TMCO4: variants seen among roughly 807,000 people sequenced by gnomAD.
TMCO4 encodes transmembrane and coiled-coil domain-containing protein 4.
TMCO4 carries 58 observed loss-of-function variants against 64.7 expected under a neutral mutation model. That is an observed-to-expected ratio of 0.90 (90% CI 0.73 to 1.12). The LOEUF is 1.12. TMCO4 is among the 50% of genes most tolerant of loss of function. TMCO4 has a pLI of 0.00. For synonymous variants in TMCO4, 325 were observed against 346.1 expected (o/e 0.94, Z 0.68); for missense variants, 780 against 825.9 (o/e 0.94, Z 0.68).
At chr1:19,748,912 C>T (rs2041911570) in intron 7 of TMCO4, among the ~76,000 whole-genome samples, 2 of 152,330 alleles carry the variant, frequency 1.3e-5, no homozygotes, top group Admixed American at 1.3e-4. Flanking sequence ...TGGGGACCTG[C>T]TGTGCTTTTT....
intron 13 of TMCO4, among the ~76,000 whole-genome samples, chr1:19,720,468 A>C (rs935118974): frequency 1.3e-5 from 2 of 152,110 alleles, no homozygotes; most frequent in Non-Finnish European, 2.9e-5. Flanking sequence ...CTTCTGCTCC[A>C]GGCCTGCCTC....
intron 13 of TMCO4, among the ~76,000 whole-genome samples, chr1:19,703,182 T>C (rs969978616): frequency 1.3e-5 from 2 of 152,214 alleles, no homozygotes; most frequent in African/African-American, 2.4e-5. Context: ...AAAACCAGTT[T>C]ACAGGCTTTG....
Position 19,694,466 on chromosome 1 carries a change from T to C in TMCO4, c.1468A>G (p.Arg490Gly). 1 of 1,614,118 alleles carries C rather than the reference T, an allele frequency of 6.2e-7. No homozygotes were observed. Among genetic ancestry groups the C allele is most frequent in the Non-Finnish European group, 8.5e-7 (1 of 1,179,960 alleles). The part of the protein sequence containing the change: ...AGLQPVLLQD[R>G]RVENVDLTSV... The stretch of plus-strand genomic sequence containing the variant: ...GTCAGGTCCACGTTCTCCACCCTCC[T>C]GTCCTGCAGCAGCACGGGCTGTAGG... The change falls in exon 15 of 16, where the codon AGG becomes GGG. Residue 490 changes from arginine to glycine, a missense_variant. By Grantham distance (125) the Arg-to-Gly change is moderately radical. Transcript: ENST00000294543.
intron 3 of TMCO4, among the ~76,000 whole-genome samples, chr1:19,785,130 C>T (rs1222603297): frequency 1.3e-5 from 2 of 151,860 alleles, no homozygotes; most frequent in Admixed American, 1.3e-4. Context: ...CTGCTGGGAC[C>T]ACCCTTCCCT....
chr1:19,771,716 G>T (rs113624246), intron 4 of TMCO4, among the ~76,000 whole-genome samples: 1 of 152,126 alleles, frequency 6.6e-6, no homozygotes, highest in East Asian at 1.9e-4. Flanking sequence ...GAGTTCAGTC[G>T]TGCAATCTTG....
intron 2 of TMCO4, among the ~76,000 whole-genome samples, chr1:19,789,431 C>T (rs6684957): frequency 0.9 from 136,694 of 152,082 alleles, 61,526 homozygotes; most frequent in African/African-American, 0.93. Context: ...AAATAAATAA[C>T]AAAACATCTT....
chr1:19,783,654 C>A (rs1485138439), intron 3 of TMCO4, among the ~76,000 whole-genome samples: 1 of 152,166 alleles, frequency 6.6e-6, no homozygotes, highest in African/African-American at 2.4e-5. Flanking sequence ...CATTACGATT[C>A]CCTCTTACAA....
chr1:19,689,463 C>T (rs1330120605), intron 15 of TMCO4, among the ~76,000 whole-genome samples: 1 of 152,148 alleles, frequency 6.6e-6, no homozygotes, highest in Non-Finnish European at 1.5e-5. Flanking sequence ...CTACTATGCA[C>T]CAAGCATCTT....
chr1:19,753,025 T>G (rs951958474), intron 7 of TMCO4, among the ~76,000 whole-genome samples: 1 of 151,986 alleles, frequency 6.6e-6, no homozygotes, highest in Non-Finnish European at 1.5e-5. Context: ...AATGGCATGA[T>G]CTCGGCTCAC....
intron 6 of TMCO4, among the ~76,000 whole-genome samples, chr1:19,758,510 G>A (rs1254347344): frequency 1.3e-5 from 2 of 152,204 alleles, no homozygotes; most frequent in Non-Finnish European, 2.9e-5. Flanking sequence ...AGGCTGCTGG[G>A]TGCATGTGTG....
chr1:19,778,690 G>A (rs2043322043), intron 4 of TMCO4, among the ~76,000 whole-genome samples: 1 of 152,248 alleles, frequency 6.6e-6, no homozygotes, highest in African/African-American at 2.4e-5. Flanking sequence ...AGACTGGAAA[G>A]TGGCAGAGTT....
chr1:19,684,939 G>A (rs2095134558), intron 15 of TMCO4, among the ~76,000 whole-genome samples: 1 of 152,218 alleles, frequency 6.6e-6, no homozygotes, highest in Non-Finnish European at 1.5e-5. Context: ...CAGCAAGAGG[G>A]AAATTTGGTC....
At chr1:19,796,204 A>G (rs899368112) in intron 2 of TMCO4, among the ~76,000 whole-genome samples, 1 of 152,236 alleles carries the variant, frequency 6.6e-6, no homozygotes, top group Non-Finnish European at 1.5e-5. Flanking sequence ...GACTCACAGA[A>G]GCGGAGGTCA....
intron 15 of TMCO4, among the ~76,000 whole-genome samples, chr1:19,693,765 A>G (rs1369947265): frequency 6.6e-6 from 1 of 152,202 alleles, no homozygotes; most frequent in Non-Finnish European, 1.5e-5. Flanking sequence ...ACAGCCTAGC[A>G]GGCAGGTGCT....
Position 19,764,842 on chromosome 1 carries a change from C to CAA in TMCO4, c.382+5698_382+5699dup, listed in dbSNP as rs33963523. Reference sequence around the variant, plus strand: ...TGCACTCAAGAGTGAAACTCTGTCTCAAAAAAAAAAAAAAAAAAAAAAAAA... The same window carrying CAA: ...TGCACTCAAGAGTGAAACTCTGTCTCAAAAAAAAAAAAAAAAAAAAAAAAAAA... On this transcript the variant is annotated intron_variant, in intron 6 of 15. Coordinates refer to ENST00000294543, the MANE Select transcript of TMCO4 (RefSeq NM_181719.7). 1.1e-3 allele frequency among the ~76,000 whole-genome samples: 74 copies of CAA among 70,422 alleles called. 4 individuals carry two copies. Among genetic ancestry groups the CAA allele is most frequent in the African/African-American group, 1.8e-3 (29 of 16,148 alleles). 46.2% of individuals were successfully genotyped at this position (70,422 alleles called of 152,430 possible). A position where few individuals can be genotyped will look rare whatever the true frequency, so the allele number is the denominator to read the frequency against.
rs1465629719 is a variant in TMCO4 at position 19,739,707 on chromosome 1, C to T, written c.1179+117G>A. On this transcript the variant is annotated intron_variant, in intron 12 of 15. Coordinates refer to ENST00000294543, the MANE Select transcript of TMCO4 (RefSeq NM_181719.7). ...AGGCAGCAAGGACTGCCCACACCCC[C>T]AAAACCATTGAGTTATCTCCAAGTA... 4 of 1,472,964 alleles carry T rather than the reference C, an allele frequency of 2.7e-6. No homozygotes were observed. The African/African-American group carries it at 4.2e-5, about 15-fold the overall frequency. The allele number at this position is 1,472,964 out of a possible 1,614,324, so 91.2% of individuals were successfully genotyped here. A position where few individuals can be genotyped will look rare whatever the true frequency, so the allele number is the denominator to read the frequency against.
At chr1:19,780,426 C>T (rs2043410123) in intron 4 of TMCO4, among the ~76,000 whole-genome samples, 154 bp downstream of exon 4, 1 of 152,172 alleles carries the variant, frequency 6.6e-6, no homozygotes, top group Non-Finnish European at 1.5e-5. Flanking sequence ...AGTACTGGTC[C>T]ACGGCCTGGA....
chr1:19,731,793 G>A (rs2095431149), intron 13 of TMCO4, among the ~76,000 whole-genome samples: 2 of 152,284 alleles, frequency 1.3e-5, no homozygotes, highest in Middle Eastern at 3.4e-3. Context: ...AGCTTCCTTG[G>A]CCTCAGGTCC....
intron 15 of TMCO4, 135 bp from the exon 16 acceptor site, chr1:19,683,579 A>C: frequency 1.1e-6 from 1 of 934,178 alleles, no homozygotes; most frequent in Non-Finnish European, 1.6e-6. Flanking sequence ...CCATGACTCC[A>C]TCCCTCAGTG....
Sources: gnomAD v4.1 joint callset for allele counts (sites outside exome capture counted in the v4.1 genomes callset) on GRCh38, gnomAD v4.1.1 for gene constraint, MANE v1.5 for transcripts, NCBI Gene and HGNC (gene_info 2026-07-23, HGNC 2026-07-21) for gene names.